The following PALM2AKAP2 variants were observed in gnomAD, a reference collection of about 807,000 sequenced individuals.
PALM2AKAP2 encodes the protein PALM2-AKAP2 fusion protein.
A neutral mutation model predicts 71.5 loss-of-function variants in PALM2AKAP2; 37 were observed. The ratio of observed to expected loss-of-function variants is 0.52; its 90% CI spans 0.40 to 0.68. PALM2AKAP2 has a LOEUF of 0.68. Among genes scored for constraint, PALM2AKAP2 ranks in the 30% least tolerant of loss-of-function variants. PALM2AKAP2 has a pLI of 0.00. For missense variants in PALM2AKAP2, 1,224 were observed against 1,191.8 expected, an observed-to-expected ratio of 1.03 and a Z score of -0.40; for synonymous variants, 468 against 478.8, an observed-to-expected ratio of 0.98 and a Z score of 0.29.
intron 1 of PALM2AKAP2, chr9:109,760,480 G>A (rs1189599591): frequency 6.6e-6 from 1 of 152,190 alleles, no homozygotes; most frequent in African/African-American, 2.4e-5. Flanking sequence ...CCATTCTGCA[G>A]ATGAGGACGC....
At chr9:109,829,536 T>C (rs984402115) in intron 1 of PALM2AKAP2, among the ~76,000 whole-genome samples, 1 of 152,030 alleles carries the variant, frequency 6.6e-6, no homozygotes, top group African/African-American at 2.4e-5. Context: ...TAAAAACAGA[T>C]TTCTAAGTTC....
intron 1 of PALM2AKAP2, among the ~76,000 whole-genome samples, chr9:109,808,404 A>G (rs1827637044): frequency 6.6e-6 from 1 of 152,176 alleles, no homozygotes; most frequent in Non-Finnish European, 1.5e-5. Flanking sequence ...TGCCCTAGAG[A>G]TTTGTGGAAC....
chr9:109,646,193 A>G (rs1026836730), intron 1 of PALM2AKAP2, among the ~76,000 whole-genome samples: 4 of 152,206 alleles, frequency 2.6e-5, no homozygotes, highest in Non-Finnish European at 4.4e-5. Flanking sequence ...TGTGTGGTAC[A>G]TGAAACATCA....
chr9:109,820,991 A>G (rs1827983277), intron 1 of PALM2AKAP2, among the ~76,000 whole-genome samples: 2 of 152,210 alleles, frequency 1.3e-5, no homozygotes, highest in African/African-American at 2.4e-5. Flanking sequence ...ACGCCCAGGA[A>G]CTTCTAGATA....
intron 6 of PALM2AKAP2, among the ~76,000 whole-genome samples, chr9:109,998,976 T>G (rs191667337): frequency 1.9e-3 from 286 of 152,206 alleles, no homozygotes; most frequent in African/African-American, 6.4e-3. Context: ...TCCCACTGTG[T>G]GCCAGCCCAG....
chr9:109,998,523 T>C (rs1444306944), intron 6 of PALM2AKAP2, among the ~76,000 whole-genome samples: 1 of 151,658 alleles, frequency 6.6e-6, no homozygotes, highest in African/African-American at 2.4e-5. Flanking sequence ...CGCCTCACCA[T>C]GTCCTCTCCA....
chr9:109,774,351 C>T (rs1000486910), intron 1 of PALM2AKAP2, among the ~76,000 whole-genome samples: 1 of 152,176 alleles, frequency 6.6e-6, no homozygotes, highest in African/African-American at 2.4e-5. Flanking sequence ...ATTGTTTCTA[C>T]CACAGAGCAC....
intron 1 of PALM2AKAP2, among the ~76,000 whole-genome samples, chr9:109,696,580 A>G (rs1013114476): frequency 6.6e-6 from 1 of 152,196 alleles, no homozygotes; most frequent in East Asian, 1.9e-4. Flanking sequence ...GCTTCTAGTC[A>G]TTGATCACTC....
chr9:109,710,042 G>A (rs1828208003), intron 1 of PALM2AKAP2, among the ~76,000 whole-genome samples: 1 of 152,202 alleles, frequency 6.6e-6, no homozygotes, highest in African/African-American at 2.4e-5. Flanking sequence ...GCCATTTGAT[G>A]ATGGAAGCAG....
At chr9:109,716,757 T>C (rs1465026883) in intron 1 of PALM2AKAP2, among the ~76,000 whole-genome samples, 1 of 152,162 alleles carries the variant, frequency 6.6e-6, no homozygotes, top group African/African-American at 2.4e-5. Flanking sequence ...AAGGTGAGCC[T>C]AACCAATGAT....
intron 3 of PALM2AKAP2, among the ~76,000 whole-genome samples, chr9:109,887,062 G>A (rs985551544): frequency 1.3e-5 from 2 of 152,146 alleles, no homozygotes; most frequent in African/African-American, 2.4e-5. Context: ...TACCTGTGTG[G>A]GTCTCTGGTA....
intron 2 of PALM2AKAP2, among the ~76,000 whole-genome samples, chr9:110,154,244 A>G (rs760097035): frequency 1.3e-5 from 2 of 152,164 alleles, no homozygotes; most frequent in African/African-American, 4.8e-5. Context: ...CATCATACCC[A>G]TTTTACTGAT....
intron 3 of PALM2AKAP2, among the ~76,000 whole-genome samples, chr9:109,887,108 G>A (rs1344410452): frequency 1.3e-5 from 2 of 152,254 alleles, no homozygotes; most frequent in South Asian, 2.1e-4. Context: ...ATATTGTTAG[G>A]AGGCTCAAAG....
chr9:110,138,282 G>T, exon 2 of PALM2AKAP2: 1 of 1,614,230 alleles, frequency 6.2e-7, no homozygotes, highest in South Asian at 1.1e-5. Context: ...AGCTATTTCA[G>T]CAAGTACTCG....
rs986380703 is a variant in PALM2AKAP2, at chr9:109,754,962, T to G, written c.6-25526T>G. Among the ~76,000 whole-genome samples the G allele has an allele frequency of 3.3e-5, 5 of 152,250 alleles. No homozygotes were observed. The East Asian group carries it at 9.7e-4, about 29-fold the overall frequency. On this transcript the variant is annotated intron_variant, in intron 1 of 6. Transcript: ENST00000374531. ...AGACTCCAAACCTAGTCATCATTGC[T>G]GCCTCTAGTTCCTCTTGCCCTATAG...
At chr9:110,144,187 T>G (rs1836104990) in intron 2 of PALM2AKAP2, among the ~76,000 whole-genome samples, 2 of 152,258 alleles carry the variant, frequency 1.3e-5, no homozygotes, top group Non-Finnish European at 2.9e-5. Context: ...GAAGTCCCTG[T>G]GTCAGCATCT....
chr9:109,665,909 C>A (rs76440086), intron 1 of PALM2AKAP2, among the ~76,000 whole-genome samples: 38 of 152,196 alleles, frequency 2.5e-4, no homozygotes, highest in Admixed American at 7.2e-4. Flanking sequence ...GGATGCCCCT[C>A]CCCCAGCCAG....
intron 1 of PALM2AKAP2, among the ~76,000 whole-genome samples, chr9:109,712,885 T>C (rs1244984092): frequency 1.3e-5 from 2 of 152,224 alleles, no homozygotes; most frequent in East Asian, 3.8e-4. Context: ...AGAAAAGTAC[T>C]TCTGAGCTGA....
intron 1 of PALM2AKAP2, among the ~76,000 whole-genome samples, chr9:109,702,183 C>T (rs200407613): frequency 0.042 from 6,365 of 151,882 alleles, 181 homozygotes; most frequent in Non-Finnish European, 0.052. Flanking sequence ...GTCAGTGTGG[C>T]GATTCCTCAG....
Sources: allele counts gnomAD v4.1 joint callset (sites outside exome capture counted in the v4.1 genomes callset), GRCh38; gene constraint gnomAD v4.1.1; transcripts MANE v1.5; gene names NCBI Gene and HGNC (gene_info 2026-07-23, HGNC 2026-07-21).